The following SUCLG2 variants were observed in gnomAD, a reference collection of about 807,000 sequenced individuals.
SUCLG2 encodes succinate-CoA ligase GDP-forming subunit beta.
SUCLG2 carries 42 observed loss-of-function variants against 47.9 expected under a neutral mutation model. The ratio of observed to expected loss-of-function variants is 0.88; its 90% CI spans 0.69 to 1.14. The LOEUF (loss-of-function observed/expected upper bound fraction) is 1.14, where lower values mean the gene tolerates loss of function less well. SUCLG2 is among the 50% of genes most tolerant of loss of function. The pLI, the probability that SUCLG2 is intolerant of heterozygous loss-of-function variation, is 0.00. For synonymous variants in SUCLG2, 195 were observed against 197.3 expected, an observed-to-expected ratio of 0.99 and a Z score of 0.10; for missense variants, 571 against 525.9, an observed-to-expected ratio of 1.09 and a Z score of -0.84.
At chr3:67,553,746 T>C (rs1310594276) in intron 2 of SUCLG2, among the ~76,000 whole-genome samples, 1 of 152,194 alleles carries the variant, frequency 6.6e-6, no homozygotes, top group East Asian at 1.9e-4. Flanking sequence ...GCAATATTGT[T>C]TATAATCTTT....
At chr3:67,492,167 C>T (rs375924066) in intron 9 of SUCLG2, among the ~76,000 whole-genome samples, 2 of 152,146 alleles carry the variant, frequency 1.3e-5, no homozygotes, top group Non-Finnish European at 1.5e-5. Flanking sequence ...TAATGCCAAT[C>T]GTGTACTTTT....
At chr3:67,361,143 T>A (rs1432143382) in intron 10 of SUCLG2, among the ~76,000 whole-genome samples, 1 of 151,512 alleles carries the variant, frequency 6.6e-6, no homozygotes, top group Non-Finnish European at 1.5e-5. Context: ...AACTGTTCAA[T>A]CTTAGGCTTG....
intron 9 of SUCLG2, among the ~76,000 whole-genome samples, chr3:67,419,946 GAAAA>G (rs1234526050): frequency 3.3e-5 from 5 of 152,148 alleles, no homozygotes; most frequent in African/African-American, 7.2e-5. Flanking sequence ...GAGGGAAACA[GAAAA>G]GACACTGCAA....
intron 10 of SUCLG2, among the ~76,000 whole-genome samples, chr3:67,393,332 T>C (rs543986706): frequency 3.3e-5 from 5 of 152,360 alleles, no homozygotes; most frequent in Admixed American, 2.6e-4. Flanking sequence ...ACTGCGCTTT[T>C]CCGACGGGCT....
chr3:67,403,928 C>T (rs952549508), intron 9 of SUCLG2, among the ~76,000 whole-genome samples: 4 of 152,178 alleles, frequency 2.6e-5, no homozygotes, highest in Non-Finnish European at 5.9e-5. Flanking sequence ...CTGTTTCACC[C>T]AGGCTGGAGT....
rs1406674138 is a variant in SUCLG2, at chr3:67,502,428, G to A, written c.758-4133C>T. Among the ~76,000 whole-genome samples the A allele has an allele frequency of 2.6e-5, 4 of 152,278 alleles. No homozygotes were observed. In the East Asian group the frequency reaches 5.8e-4, roughly 22 times the overall value. On this transcript the variant is annotated intron_variant, in intron 7 of 10. Transcript: ENST00000307227. ...TATCAGGGTATAAATGACAACTCCT[G>A]GCACTTCCTAGCCAGCTATCCTTAA...
At position 67,505,760 on chromosome 3, in the gene SUCLG2, G is replaced by A. The variant is rs971971288; in HGVS notation, c.757+3047C>T. Among the ~76,000 whole-genome samples the A allele has an allele frequency of 6.4e-4, 97 of 152,186 alleles. 2 individuals are homozygous for A. The highest frequency in any genetic ancestry group is 3.4e-3 in the Middle Eastern group (1 of 294). ...GTGGATCACCTGAGGTCAGGAGTTC[G>A]AGACCAGCCTGGCCAACGTGGTGAA... On this transcript the variant is annotated intron_variant, in intron 7 of 10. Transcript: ENST00000307227.
intron 1 of SUCLG2, among the ~76,000 whole-genome samples, chr3:67,653,303 G>C (rs1701320535): frequency 6.6e-6 from 1 of 152,164 alleles, no homozygotes; most frequent in Non-Finnish European, 1.5e-5. Context: ...TTATTAGTGA[G>C]TTTTAATTAG....
chr3:67,646,184 GA>G (rs1476598982), intron 1 of SUCLG2, among the ~76,000 whole-genome samples: 16 of 152,160 alleles, frequency 1.1e-4, no homozygotes, highest in Admixed American at 8.5e-4. Context: ...CCAGAGCCCT[GA>G]GCCCTGCTTC....
At chr3:67,586,316 T>G (rs1478982911) in intron 2 of SUCLG2, among the ~76,000 whole-genome samples, 1 of 152,184 alleles carries the variant, frequency 6.6e-6, no homozygotes. Context: ...CCAGTTAACC[T>G]CAGAGGGCTG....
intron 9 of SUCLG2, among the ~76,000 whole-genome samples, chr3:67,463,725 C>A (rs1390139615): frequency 6.6e-6 from 1 of 152,112 alleles, no homozygotes; most frequent in East Asian, 1.9e-4. Context: ...TGCCCTAATC[C>A]AGTTGACTGG....
chr3:67,394,676 T>A (rs11127604), intron 10 of SUCLG2, among the ~76,000 whole-genome samples: 110,674 of 150,028 alleles, frequency 0.74, 41,359 homozygotes, highest in Admixed American at 0.82. Flanking sequence ...AGAGAATGCC[T>A]CAAAGATACT....
intron 2 of SUCLG2, among the ~76,000 whole-genome samples, chr3:67,584,941 A>T (rs1334903237): frequency 6.6e-6 from 1 of 152,178 alleles, no homozygotes; most frequent in African/African-American, 2.4e-5. Context: ...AAGACACATG[A>T]GGATTATGGG....
chr3:67,578,895 A>G (rs909443122), intron 2 of SUCLG2, among the ~76,000 whole-genome samples: 3 of 152,210 alleles, frequency 2.0e-5, no homozygotes, highest in South Asian at 2.1e-4. Flanking sequence ...GCAGGAGAGC[A>G]ACACGGAGAG....
intron 2 of SUCLG2, among the ~76,000 whole-genome samples, chr3:67,580,688 T>C (rs1194886652): frequency 6.6e-6 from 1 of 152,206 alleles, no homozygotes; most frequent in African/African-American, 2.4e-5. Context: ...CTATGGGTCA[T>C]AAAATTTGAA....
At chr3:67,579,473 T>A (rs943770798) in intron 2 of SUCLG2, among the ~76,000 whole-genome samples, 18 of 152,220 alleles carry the variant, frequency 1.2e-4, no homozygotes, top group Admixed American at 2.0e-4. Context: ...CATCATTTTT[T>A]AAAAATCTTA....
intron 2 of SUCLG2, among the ~76,000 whole-genome samples, chr3:67,572,035 A>C (rs1313447319): frequency 2.0e-5 from 3 of 152,220 alleles, no homozygotes; most frequent in Admixed American, 6.5e-5. Flanking sequence ...AGTCCACCTA[A>C]TACAACCACC....
intron 2 of SUCLG2, among the ~76,000 whole-genome samples, chr3:67,582,115 T>C (rs774404065): frequency 2.6e-4 from 39 of 152,122 alleles, no homozygotes; most frequent in Non-Finnish European, 5.0e-4. Context: ...CATATTTCTT[T>C]AAAAAAAACT....
chr3:67,473,585 C>A (rs1300467261), intron 9 of SUCLG2, among the ~76,000 whole-genome samples: 2 of 152,114 alleles, frequency 1.3e-5, no homozygotes, highest in African/African-American at 4.8e-5. Context: ...CTACACGATA[C>A]AACACACATT....
Sources: allele counts gnomAD v4.1 joint callset (sites outside exome capture counted in the v4.1 genomes callset), GRCh38; gene constraint gnomAD v4.1.1; transcripts MANE v1.5; gene names NCBI Gene and HGNC (gene_info 2026-07-23, HGNC 2026-07-21).